ASTN2: variants seen among roughly 807,000 people sequenced by gnomAD.
ASTN2 encodes astrotactin 2.
Under a neutral mutation model 139.8 loss-of-function variants are expected in ASTN2, and 54 were observed. The ratio of observed to expected loss-of-function variants is 0.39; its 90% CI spans 0.31 to 0.48. ASTN2 has a LOEUF of 0.48. ASTN2 is among the 20% of genes least tolerant of loss of function. The pLI, the probability that ASTN2 is intolerant of heterozygous loss-of-function variation, is 0.95. For missense variants in ASTN2, 1,565 were observed against 1,725.1 expected (o/e 0.91, Z 1.64); for synonymous variants, 756 against 719.5 (o/e 1.05, Z -0.81).
At chr9:116,462,284 C>G (rs1027570100) in intron 20 of ASTN2, among the ~76,000 whole-genome samples, 1 of 152,134 alleles carries the variant, frequency 6.6e-6, no homozygotes, top group Non-Finnish European at 1.5e-5. Flanking sequence ...CATTGTCTTC[C>G]TTTTACACAG....
chr9:117,367,291 C>T (rs1245314908), intron 1 of ASTN2, among the ~76,000 whole-genome samples: 2 of 152,166 alleles, frequency 1.3e-5, no homozygotes, highest in Admixed American at 1.3e-4. Flanking sequence ...AGGTGGCAAG[C>T]TTGAAGTCTA....
chr9:116,794,462 G>A (rs1217400042), intron 13 of ASTN2, among the ~76,000 whole-genome samples: 4 of 152,118 alleles, frequency 2.6e-5, no homozygotes, highest in Admixed American at 2.6e-4. Flanking sequence ...AAGCCATCCT[G>A]AGCCACATAT....
chr9:116,765,444 G>A (rs1321724212), intron 13 of ASTN2, among the ~76,000 whole-genome samples: 1 of 152,188 alleles, frequency 6.6e-6, no homozygotes, highest in South Asian at 2.1e-4. Flanking sequence ...CTTTCTTAAG[G>A]GTATGTGATA....
At chr9:116,905,878 C>CG (rs1834144278) in intron 10 of ASTN2, among the ~76,000 whole-genome samples, 1 of 29,210 alleles carries the variant, frequency 3.4e-5, no homozygotes, top group African/African-American at 1.5e-4. Flanking sequence ...GGGGGGGGTG[C>CG]GGGGGGTGTG....
chr9:116,872,658 G>A (rs150210628), intron 10 of ASTN2, among the ~76,000 whole-genome samples: 3 of 152,278 alleles, frequency 2.0e-5, no homozygotes, highest in East Asian at 3.9e-4. Context: ...GACCTTGGAA[G>A]TAGGAGCTCA....
chr9:117,327,267 G>A (rs1316686968), intron 1 of ASTN2, among the ~76,000 whole-genome samples: 2 of 152,108 alleles, frequency 1.3e-5, no homozygotes, highest in Non-Finnish European at 2.9e-5. Context: ...CTGTGGCCCA[G>A]GGATTGGGGA....
intron 17 of ASTN2, among the ~76,000 whole-genome samples, chr9:116,628,664 T>C (rs138817494): frequency 6.6e-6 from 1 of 152,226 alleles, no homozygotes; most frequent in Non-Finnish European, 1.5e-5. Context: ...CATGGAATTA[T>C]ACATTTGTAA....
chr9:117,338,410 A>G (rs1275166306), intron 1 of ASTN2, among the ~76,000 whole-genome samples: 1 of 152,076 alleles, frequency 6.6e-6, no homozygotes, highest in Non-Finnish European at 1.5e-5. Flanking sequence ...TACAGATCCT[A>G]TCCATTTATC....
Position 116,947,908 on chromosome 9 carries a change from C to T in ASTN2, c.1889+27300G>A, listed in dbSNP as rs543793969. 3.9e-5 allele frequency among the ~76,000 whole-genome samples: 6 copies of T among 152,280 alleles called. No homozygotes were observed. The East Asian group carries it at 5.8e-4, about 15-fold the overall frequency. On this transcript the variant is annotated intron_variant, in intron 10 of 22. Transcript: ENST00000313400. ...GAAAACTATTCAGGTCAGAACCATG[C>T]GTTGTTTTAATAGGTAATGTCTTTT...
chr9:116,485,296 A>G (rs1321919), intron 20 of ASTN2, among the ~76,000 whole-genome samples: 133,658 of 152,136 alleles, frequency 0.88, 58,712 homozygotes, highest in Admixed American at 0.9. Flanking sequence ...CTCACTCAGC[A>G]TCACAGAGCT....
At chr9:116,732,005 T>A (rs1326654370) in intron 14 of ASTN2, among the ~76,000 whole-genome samples, 1 of 152,052 alleles carries the variant, frequency 6.6e-6, no homozygotes, top group Non-Finnish European at 1.5e-5. Context: ...AATTTTATGA[T>A]CTTAAAAAAA....
chr9:117,387,556 G>A (rs1031896082), intron 1 of ASTN2, among the ~76,000 whole-genome samples: 1 of 152,134 alleles, frequency 6.6e-6, no homozygotes, highest in Admixed American at 6.5e-5. Flanking sequence ...AACAGCCTGT[G>A]CAAAGGCCAA....
At chr9:117,103,624 C>T (rs1829034477) in intron 4 of ASTN2, among the ~76,000 whole-genome samples, 1 of 152,228 alleles carries the variant, frequency 6.6e-6, no homozygotes, top group South Asian at 2.1e-4. Flanking sequence ...GCCCTCCACA[C>T]TCCATCTCCT....
chr9:116,678,796 A>T (rs972061866), intron 16 of ASTN2, among the ~76,000 whole-genome samples: 3 of 152,214 alleles, frequency 2.0e-5, no homozygotes, highest in Non-Finnish European at 4.4e-5. Context: ...TAGAAAATTG[A>T]TCTGTTTGAT....
chr9:116,483,593 TGACA>T (rs1193444930), intron 20 of ASTN2, among the ~76,000 whole-genome samples: 8 of 151,854 alleles, frequency 5.3e-5, no homozygotes, highest in African/African-American at 1.7e-4. Context: ...GTAGGGAGAA[TGACA>T]GACAGACAAA....
chr9:116,682,531 T>C (rs1859948139), intron 16 of ASTN2, among the ~76,000 whole-genome samples: 1 of 152,192 alleles, frequency 6.6e-6, no homozygotes, highest in Non-Finnish European at 1.5e-5. Flanking sequence ...ACTGGGTATA[T>C]ACCCAAAGGA....
chr9:116,573,040 TAC>T, intron 19 of ASTN2, among the ~76,000 whole-genome samples: 1 of 136,236 alleles, frequency 7.3e-6, no homozygotes, highest in Non-Finnish European at 1.6e-5. Context: ...CACACATATA[TAC>T]ACACACACAC....
intron 1 of ASTN2, among the ~76,000 whole-genome samples, chr9:117,314,898 AT>A (rs1212645876): frequency 6.8e-6 from 1 of 146,538 alleles, no homozygotes; most frequent in Non-Finnish European, 1.5e-5. Flanking sequence ...ATATAAATAT[AT>A]TTTTATTATA....
Position 117,051,246 on chromosome 9 carries a change from T to A in ASTN2, c.1277-11281A>T, listed in dbSNP as rs1257010064. The stretch of plus-strand genomic sequence containing the variant: ...TTAACTAAAAAAAAAATGATGATGA[T>A]AACCCTTTCTCTTTTTTTGAGCACT... On this transcript the variant is annotated intron_variant, in intron 5 of 22. Transcript: ENST00000313400. Among the ~76,000 whole-genome samples, 4 of 152,150 alleles carry A rather than the reference T, an allele frequency of 2.6e-5. No individual in the cohort carries two copies. The East Asian group carries it at 7.7e-4, about 29-fold the overall frequency.
Sources: gnomAD v4.1 joint callset for allele counts (sites outside exome capture counted in the v4.1 genomes callset) on GRCh38, gnomAD v4.1.1 for gene constraint, MANE v1.5 for transcripts, NCBI Gene and HGNC (gene_info 2026-07-23, HGNC 2026-07-21) for gene names.